Variants in ZNF438 observed in about 807,000 individuals in gnomAD.
ZNF438 encodes the protein zinc finger protein 438.
A neutral mutation model predicts 38.0 loss-of-function variants in ZNF438; 25 were observed. The ratio of observed to expected loss-of-function variants is 0.66; its 90% CI spans 0.48 to 0.92. The LOEUF (loss-of-function observed/expected upper bound fraction) is 0.92. Among genes scored for constraint, ZNF438 ranks in the 40% least tolerant of loss-of-function variants. ZNF438 has a pLI of 0.00. For missense variants in ZNF438, 1,007 were observed against 999.6 expected, an observed-to-expected ratio of 1.01 and a Z score of -0.10; for synonymous variants, 372 against 364.1, an observed-to-expected ratio of 1.02 and a Z score of -0.25.
intron 2 of ZNF438, among the ~76,000 whole-genome samples, chr10:30,937,873 T>TA (rs2135443128): frequency 6.6e-6 from 1 of 152,342 alleles, no homozygotes; most frequent in South Asian, 2.1e-4. Flanking sequence ...GAAACCTCTA[T>TA]AGTCTTCCCA....
chr10:31,006,534 G>A (rs757593818), intron 1 of ZNF438, among the ~76,000 whole-genome samples: 22 of 152,066 alleles, frequency 1.4e-4, no homozygotes, highest in Non-Finnish European at 2.6e-4. Context: ...TAATAAACCA[G>A]TAGATGTGTT....
chr10:30,858,246 C>T (rs1454163215), intron 4 of ZNF438, among the ~76,000 whole-genome samples: 5 of 152,328 alleles, frequency 3.3e-5, no homozygotes, highest in Non-Finnish European at 4.4e-5. Context: ...CTGAAATACT[C>T]TATTTTCAAT....
At chr10:31,009,801 A>G (rs1289588070) in intron 1 of ZNF438, among the ~76,000 whole-genome samples, 1 of 151,264 alleles carries the variant, frequency 6.6e-6, no homozygotes, top group Non-Finnish European at 1.5e-5. Flanking sequence ...GTTTTTGAGT[A>G]CTGCTCCAAC....
At chr10:31,032,022 C>T (rs950380487), upstream of ZNF438, 1 of 152,154 alleles carries the variant, frequency 6.6e-6, no homozygotes, top group Admixed American at 6.5e-5. Context: ...GCAGACACCC[C>T]GCGCAGGCGC....
At chr10:30,956,454 A>C (rs991523761) in intron 1 of ZNF438, among the ~76,000 whole-genome samples, 1 of 152,182 alleles carries the variant, frequency 6.6e-6, no homozygotes, top group Non-Finnish European at 1.5e-5. Flanking sequence ...GTATTTTGAA[A>C]TATGTTATTA....
chr10:30,888,533 C>G (rs1010904449), intron 3 of ZNF438, among the ~76,000 whole-genome samples: 1 of 152,140 alleles, frequency 6.6e-6, no homozygotes, highest in Admixed American at 6.5e-5. Flanking sequence ...ACCCTCCACC[C>G]TCTACCCTCA....
intron 1 of ZNF438, among the ~76,000 whole-genome samples, chr10:30,948,134 G>T (rs2047675278): frequency 6.6e-6 from 1 of 152,106 alleles, no homozygotes; most frequent in East Asian, 1.9e-4. Context: ...CCCCAGCAGG[G>T]GCACACCGAC....
intron 2 of ZNF438, among the ~76,000 whole-genome samples, chr10:30,918,078 T>C (rs946151675): frequency 3.3e-5 from 5 of 152,154 alleles, no homozygotes; most frequent in African/African-American, 1.2e-4. Context: ...ACTTGGTTGC[T>C]TTGGATTTGT....
At chr10:30,950,592 A>T (rs1396785106) in intron 1 of ZNF438, among the ~76,000 whole-genome samples, 2 of 150,918 alleles carry the variant, frequency 1.3e-5, no homozygotes, top group Non-Finnish European at 3.0e-5. Flanking sequence ...CAGAAATACA[A>T]ACTACCATCA....
At chr10:30,935,638 C>G (rs1048990021) in intron 2 of ZNF438, among the ~76,000 whole-genome samples, 1 of 151,920 alleles carries the variant, frequency 6.6e-6, no homozygotes, top group African/African-American at 2.4e-5. Flanking sequence ...TCTCACATTG[C>G]TATAAAGAAA....
At chr10:30,979,840 T>C (rs2051901082) in intron 1 of ZNF438, among the ~76,000 whole-genome samples, 1 of 152,230 alleles carries the variant, frequency 6.6e-6, no homozygotes, top group African/African-American at 2.4e-5. Context: ...TATGACTTTC[T>C]GTAGATCTAA....
At chr10:30,973,997 C>A (rs890532141) in intron 1 of ZNF438, among the ~76,000 whole-genome samples, 3 of 152,210 alleles carry the variant, frequency 2.0e-5, no homozygotes, top group African/African-American at 7.2e-5. Flanking sequence ...AGCCGTTTCA[C>A]CACTCAGGAG....
At chr10:31,018,608 C>G (rs1234063528) in intron 1 of ZNF438, among the ~76,000 whole-genome samples, 1 of 152,224 alleles carries the variant, frequency 6.6e-6, no homozygotes, top group African/African-American at 2.4e-5. Context: ...AACACCACTT[C>G]AGGCGCCAAT....
chr10:30,976,423 G>A (rs2051354705), intron 1 of ZNF438, among the ~76,000 whole-genome samples: 1 of 152,136 alleles, frequency 6.6e-6, no homozygotes, highest in African/African-American at 2.4e-5. Flanking sequence ...ATCAATGTCA[G>A]CTAAAACAAA....
At chr10:30,891,043 A>G (rs1419471468) in intron 3 of ZNF438, among the ~76,000 whole-genome samples, 1 of 152,188 alleles carries the variant, frequency 6.6e-6, no homozygotes, top group African/African-American at 2.4e-5. Flanking sequence ...TTCTTTGTAT[A>G]TAATTTGCTT....
intron 1 of ZNF438, among the ~76,000 whole-genome samples, chr10:30,973,131 T>A (rs1295385017): frequency 3.3e-5 from 5 of 152,190 alleles, no homozygotes; most frequent in African/African-American, 1.2e-4. Flanking sequence ...CTAGAAGACT[T>A]AAAGACTGCA....
intron 4 of ZNF438, 92 bp downstream of exon 5, chr10:30,876,904 TAA>T (rs2133669149): frequency 1.2e-6 from 1 of 853,836 alleles, no homozygotes; most frequent in Admixed American, 3.2e-5. Context: ...TTCTAGGAAA[TAA>T]GTTACCTTAT....
Position 30,930,568 on chromosome 10 carries a change from G to A in ZNF438, c.-115+11007C>T, listed in dbSNP as rs372138479. Among the ~76,000 whole-genome samples, 44 of 151,902 alleles carry A rather than the reference G, an allele frequency of 2.9e-4. 1 individual carries two copies. The highest frequency in any genetic ancestry group is 2.1e-3 in the East Asian group (11 of 5,124). On this transcript the variant is annotated intron_variant, in intron 2 of 5. Transcript: ENST00000413025. ...GCCTGAGGAGGTGCCGAGAGCAAGCGAGGGCTGCTGGCATGTTGTCACCTC... is the reference window on the plus strand; with the variant it reads ...GCCTGAGGAGGTGCCGAGAGCAAGCAAGGGCTGCTGGCATGTTGTCACCTC...
intron 3 of ZNF438, among the ~76,000 whole-genome samples, chr10:30,894,279 G>A (rs1006784116): frequency 3.3e-5 from 5 of 152,280 alleles, no homozygotes; most frequent in South Asian, 2.1e-4. Context: ...AAGTTTTTAA[G>A]AATCAAACTG....
Sources: allele counts gnomAD v4.1 joint callset (sites outside exome capture counted in the v4.1 genomes callset), GRCh38; gene constraint gnomAD v4.1.1; transcripts MANE v1.5; gene names NCBI Gene and HGNC (gene_info 2026-07-23, HGNC 2026-07-21).